Variants in SEC14L5 observed in about 807,000 individuals in gnomAD.
The protein encoded by SEC14L5 is SEC14-like protein 5.
Under a neutral mutation model 84.6 loss-of-function variants are expected in SEC14L5, and 96 were observed. The observed-to-expected ratio is 1.13, with a 90% CI of 0.96 to 1.34. The LOEUF (loss-of-function observed/expected upper bound fraction) is 1.34, where lower values mean the gene tolerates loss of function less well. SEC14L5 is among the 40% of genes most tolerant of loss of function. The pLI, the probability that SEC14L5 is intolerant of heterozygous loss-of-function variation, is 0.00. For missense variants in SEC14L5, 1,224 were observed against 942.5 expected, an observed-to-expected ratio of 1.30 and a Z score of -3.91; for synonymous variants, 546 against 383.4, an observed-to-expected ratio of 1.42 and a Z score of -4.95.
intron 13 of SEC14L5, 83 bp downstream of exon 13, chr16:5,007,569 A>G: frequency 9.3e-6 from 9 of 970,142 alleles, no homozygotes; most frequent in Non-Finnish European, 1.4e-5. Context: ...ACAGCTTGAG[A>G]TGAGGATTCT....
At chr16:4,961,070 G>C (rs1955114702) in intron 2 of SEC14L5, among the ~76,000 whole-genome samples, 1 of 152,142 alleles carries the variant, frequency 6.6e-6, no homozygotes. Context: ...AGGAGATCAA[G>C]ACAATCCCGT....
At chr16:4,969,197 A>G (rs906744188) in intron 2 of SEC14L5, among the ~76,000 whole-genome samples, 5 of 152,198 alleles carry the variant, frequency 3.3e-5, no homozygotes, top group African/African-American at 1.2e-4. Context: ...CTGATTTCCG[A>G]GGGCCCTGAA....
In SEC14L5 at chr16:4,967,562, G is replaced by T. The variant is rs4786569; in HGVS notation, c.63+8176G>T. On this transcript the variant is annotated intron_variant, in intron 2 of 15. Coordinates refer to ENST00000251170, the MANE Select transcript of SEC14L5 (RefSeq NM_014692.2). ...TCTGGCTCTGACTTTTCTTTCTTTC[G>T]TTTTTTTTTTTTTTTTTTTTTTTTT... Among the ~76,000 whole-genome samples, 116 of 36,992 alleles carry T rather than the reference G, an allele frequency of 3.1e-3. 3 individuals carry two copies. Among genetic ancestry groups the T allele is most frequent in the Middle Eastern group, 0.022 (1 of 46 alleles). The allele number at this position is 36,992 out of a possible 152,430, so 24.3% of individuals were successfully genotyped here.
At chr16:5,010,970 G>GAA in intron 14 of SEC14L5, 125 bp from the exon 15 acceptor site, 2 of 888,494 alleles carry the variant, frequency 2.3e-6, no homozygotes, top group South Asian at 3.5e-5. Flanking sequence ...GTGGACTGGA[G>GAA]AAAGGGACAG....
At chr16:4,964,147 T>C (rs191103986) in intron 2 of SEC14L5, among the ~76,000 whole-genome samples, 2 of 152,188 alleles carry the variant, frequency 1.3e-5, no homozygotes, top group East Asian at 3.9e-4. Context: ...TCCCAGAAGG[T>C]GTGTGGGGTG....
chr16:4,960,472 T>G (rs1179306847), intron 2 of SEC14L5: 2 of 152,244 alleles, frequency 1.3e-5, no homozygotes, highest in Non-Finnish European at 2.9e-5. Context: ...TGTGCCTGTG[T>G]GTCCAGTCCT....
chr16:4,977,471 GAA>G (rs1308410143), intron 2 of SEC14L5, among the ~76,000 whole-genome samples: 1 of 20,374 alleles, frequency 4.9e-5, no homozygotes. Flanking sequence ...AAAAAAAAAG[GAA>G]AAAAAAAGAA....
chr16:4,965,384 A>G (rs1021787615), intron 2 of SEC14L5, among the ~76,000 whole-genome samples: 17 of 152,110 alleles, frequency 1.1e-4, no homozygotes, highest in African/African-American at 3.4e-4. Flanking sequence ...GTTGTTGGCC[A>G]GGCGCGGTGG....
At chr16:4,989,298 GT>G (rs35333505) in intron 4 of SEC14L5, among the ~76,000 whole-genome samples, 13,878 of 141,848 alleles carry the variant, frequency 0.098, 1,283 homozygotes, top group East Asian at 0.5. Flanking sequence ...CATTGTACGT[GT>G]TTTTTTTTTT....
At chr16:4,966,828 G>C (rs867512204) in intron 2 of SEC14L5, among the ~76,000 whole-genome samples, 58 of 152,214 alleles carry the variant, frequency 3.8e-4, no homozygotes, top group African/African-American at 1.4e-3. Flanking sequence ...TGGGCCAAGT[G>C]CATGGTCCCA....
At chr16:5,000,403 G>A (rs1955661962) in intron 8 of SEC14L5, among the ~76,000 whole-genome samples, 1 of 152,220 alleles carries the variant, frequency 6.6e-6, no homozygotes, top group African/African-American at 2.4e-5. Context: ...CCCCCAAAAT[G>A]CTGGGGTAAT....
In SEC14L5 at chr16:5,015,448, A is replaced by T. The variant is rs1022234801; in HGVS notation, c.*478A>T. 6.2e-6 allele frequency: 1 copy of T among 160,536 alleles called. No individual in the cohort carries two copies. Among genetic ancestry groups the T allele is most frequent in the Admixed American group, 5.8e-5 (1 of 17,104 alleles). The allele number at this position is 160,536 out of a possible 1,614,324, so 9.9% of individuals were successfully genotyped here. A position where few individuals can be genotyped will look rare whatever the true frequency, so the allele number is the denominator to read the frequency against. On this transcript the variant is annotated 3_prime_UTR_variant, in exon 16 of 16. Transcript: ENST00000251170. ...TAGCCTGGAAGGGGGAGCGATTGCCAGGTCAATTCCTGAACCAATCACAGT... is the reference window on the plus strand; with the variant it reads ...TAGCCTGGAAGGGGGAGCGATTGCCTGGTCAATTCCTGAACCAATCACAGT...
intron 2 of SEC14L5, among the ~76,000 whole-genome samples, chr16:4,972,530 G>C (rs948612660): frequency 2.0e-5 from 3 of 152,074 alleles, no homozygotes; most frequent in African/African-American, 7.2e-5. Flanking sequence ...TATTCTATTT[G>C]CTGTCTCTGC....
intron 10 of SEC14L5, among the ~76,000 whole-genome samples, chr16:5,002,269 GA>G (rs1484209650): frequency 4.0e-5 from 6 of 149,524 alleles, no homozygotes; most frequent in South Asian, 2.1e-4. Flanking sequence ...CGATCTTTGT[GA>G]AAATTAAAGT....
At chr16:4,987,792 C>G (rs1161727236) in intron 3 of SEC14L5, 86 bp downstream of exon 3, 2 of 1,054,958 alleles carry the variant, frequency 1.9e-6, no homozygotes, top group Non-Finnish European at 2.6e-6. Context: ...GGGACCAGGG[C>G]GGCGGGGTCC....
At chr16:4,961,773 G>A (rs1371630784) in intron 2 of SEC14L5, among the ~76,000 whole-genome samples, 1 of 152,164 alleles carries the variant, frequency 6.6e-6, no homozygotes, top group Admixed American at 6.6e-5. Flanking sequence ...CCATCCTATA[G>A]TTAATGTGTC....
intron 12 of SEC14L5, 74 bp downstream of exon 12, chr16:5,006,122 G>A (rs1053287187): frequency 9.3e-6 from 14 of 1,509,578 alleles, no homozygotes; most frequent in African/African-American, 6.9e-5. Context: ...TGGGATTCCC[G>A]GAGTGGGGCT....
At chr16:5,014,644 T>G (rs1345891943) in intron 15 of SEC14L5, among the ~76,000 whole-genome samples, 2 of 152,240 alleles carry the variant, frequency 1.3e-5, no homozygotes, top group Admixed American at 6.5e-5. Flanking sequence ...GAGCCCCTGA[T>G]GGGTCTGTGG....
chr16:4,978,426 AGG>A (rs143540447), intron 2 of SEC14L5, among the ~76,000 whole-genome samples: 32,364 of 50,270 alleles, frequency 0.64, 12,090 homozygotes, highest in East Asian at 0.82. Context: ...CAAAAAAAAA[AGG>A]AAAAAAAAGA....
Sources: allele counts gnomAD v4.1 joint callset (sites outside exome capture counted in the v4.1 genomes callset), GRCh38; gene constraint gnomAD v4.1.1; transcripts MANE v1.5; gene names NCBI Gene and HGNC (gene_info 2026-07-23, HGNC 2026-07-21).